The following WSB1 variants were observed in gnomAD, a reference collection of about 807,000 sequenced individuals.
The protein encoded by WSB1 is WD repeat and SOCS box containing 1.
In WSB1, 23 loss-of-function variants were observed where a neutral mutation model predicts 50.2. That is an observed-to-expected ratio of 0.46 (90% confidence interval 0.33 to 0.65). The LOEUF (loss-of-function observed/expected upper bound fraction) is 0.65. Ranked by LOEUF, WSB1 falls within the 30% of genes least tolerant of loss-of-function variation. The pLI, the probability that WSB1 is intolerant of heterozygous loss-of-function variation, is 0.02. For missense variants in WSB1, 492 were observed against 522.3 expected (o/e 0.94, Z 0.56); for synonymous variants, 179 against 172.0 (o/e 1.04, Z -0.32).
At position 27,301,810 on chromosome 17, in the gene WSB1, A is replaced by G. The variant is rs750385525; in HGVS notation, c.63A>G (p.Glu21=). 2.9e-5 allele frequency: 46 copies of G among 1,613,994 alleles called. No individual in the cohort carries two copies. Among genetic ancestry groups the G allele is most frequent in the Non-Finnish European group, 3.6e-5 (42 of 1,180,008 alleles). ...TAGTGAGATTACGTACTATAGGTGA[A>G]CTTTTAGCTCCTGCAGCTCCTTTTG... ...KEIVRLRTIG[E]LLAPAAPFDK... The change falls in exon 2 of 9, where the codon GAA becomes GAG. Residue 21 remains glutamate, a synonymous_variant. Coordinates refer to ENST00000262394, the MANE Select transcript of WSB1 (RefSeq NM_015626.10).
At chr17:27,296,186 A>G (rs546645237) in intron 1 of WSB1, among the ~76,000 whole-genome samples, 2 of 151,816 alleles carry the variant, frequency 1.3e-5, no homozygotes, top group South Asian at 4.2e-4. Flanking sequence ...ACCTACATAA[A>G]GTAGAACCAT....
intron 2 of WSB1, 40 bp from the exon 3 acceptor site, chr17:27,303,327 G>GAAT (rs778870634): frequency 1.9e-6 from 3 of 1,602,504 alleles, no homozygotes; most frequent in Non-Finnish European, 2.6e-6. Flanking sequence ...AGTCCAGAGT[G>GAAT]AATAATAATA....
rs565976577 is a variant in WSB1 at position 27,294,273 on chromosome 17, C to G, written c.-123C>G. On this transcript the variant is annotated 5_prime_UTR_variant, in exon 1 of 9. Coordinates refer to ENST00000262394, the MANE Select transcript of WSB1 (RefSeq NM_015626.10). ...GCAGAAGCCGCAGCGGCCGCCCCCGCCCGTCTCCTCTGTCCCTGGGCCCGG... is the reference window on the plus strand; with the variant it reads ...GCAGAAGCCGCAGCGGCCGCCCCCGGCCGTCTCCTCTGTCCCTGGGCCCGG... 245 of 1,360,350 alleles carry G rather than the reference C, an allele frequency of 1.8e-4. 1 individual carries two copies. In the African/African-American group the frequency reaches 3.4e-3, roughly 19 times the overall value. The allele number at this position is 1,360,350 out of a possible 1,614,324, so 84.3% of individuals were successfully genotyped here.
rs936557865 is a variant in WSB1, at chr17:27,314,204, A to G, written c.*1835A>G. The G allele has an allele frequency of 2.6e-5, 4 of 152,232 alleles. No homozygotes were observed. The highest frequency in any genetic ancestry group is 5.9e-5 in the Non-Finnish European group (4 of 68,038). 9.4% of individuals were successfully genotyped at this position (152,232 alleles called of 1,614,324 possible). On this transcript the variant is annotated 3_prime_UTR_variant, in exon 9 of 9. Coordinates refer to ENST00000262394, the MANE Select transcript of WSB1 (RefSeq NM_015626.10). The stretch of plus-strand genomic sequence containing the variant: ...TCTGTATTTTACAAAAAGAAGCACA[A>G]GAAGCATCTAATCTTTATACTTCTT...
Position 27,294,146 on chromosome 17 carries a change from A to C in WSB1, c.-250A>C. On this transcript the variant is annotated 5_prime_UTR_variant, in exon 1 of 9. Transcript: ENST00000262394. ...CGTTTGCAGTCGGCGCTTTAGGGGA[A>C]CTGTCTTCCTCCGCAGGCGCGAGGC... The C allele has an allele frequency of 3.0e-6, 1 of 338,296 alleles. No individual in the cohort carries two copies. Among genetic ancestry groups the C allele is most frequent in the Non-Finnish European group, 5.4e-6 (1 of 185,940 alleles). The allele number at this position is 338,296 out of a possible 1,614,324, so 21.0% of individuals were successfully genotyped here. A position where few individuals can be genotyped will look rare whatever the true frequency, so the allele number is the denominator to read the frequency against.
chr17:27,297,052 C>T (rs1373349785), intron 1 of WSB1: 2 of 152,004 alleles, frequency 1.3e-5, no homozygotes, highest in Non-Finnish European at 2.9e-5. Context: ...TTTATAATGG[C>T]TCTATTTCTT....
intron 1 of WSB1, among the ~76,000 whole-genome samples, chr17:27,299,613 GA>G (rs1430510138): frequency 6.6e-6 from 1 of 152,172 alleles, no homozygotes; most frequent in Non-Finnish European, 1.5e-5. Flanking sequence ...AACCACACCT[GA>G]AGTATTGTGG....
chr17:27,311,538 A>C lies in WSB1; in HGVS notation c.1028A>C (p.Asp343Ala). The C allele has an allele frequency of 6.3e-7, 1 of 1,599,654 alleles. No homozygotes were observed. Among genetic ancestry groups the C allele is most frequent in the Non-Finnish European group, 8.5e-7 (1 of 1,172,522 alleles). Residue 343 changes from aspartate to alanine, a missense_variant, in exon 8 of 9, where the codon GAT becomes GCT. By Grantham distance (126) the Asp-to-Ala change is moderately radical. Transcript: ENST00000262394. ...KMVRFWRIDE[D>A]YPVQVAPLSN... ...GTGAGGTTCTGGAGAATTGATGAGG[A>C]TTATCCAGTGCAAGTTGCACCTTTG...
intron 1 of WSB1, among the ~76,000 whole-genome samples, chr17:27,300,685 T>C (rs1454919650): frequency 6.7e-6 from 1 of 148,246 alleles, no homozygotes; most frequent in Admixed American, 6.6e-5. Context: ...TAATGCATTT[T>C]GGTTTTTTTT....
intron 1 of WSB1, among the ~76,000 whole-genome samples, chr17:27,295,674 C>T (rs2016929136): frequency 6.6e-6 from 1 of 152,074 alleles, no homozygotes; most frequent in South Asian, 2.1e-4. Context: ...AAGTATGTCG[C>T]GAAGTGGGAC....
chr17:27,300,564 A>T (rs2081314641), intron 1 of WSB1, among the ~76,000 whole-genome samples: 1 of 152,208 alleles, frequency 6.6e-6, no homozygotes, highest in South Asian at 2.1e-4. Context: ...AATTTAAAAT[A>T]TATGACATTG....
chr17:27,295,569 T>A (rs2016923152), intron 1 of WSB1, among the ~76,000 whole-genome samples: 4 of 151,630 alleles, frequency 2.6e-5, no homozygotes, highest in Non-Finnish European at 5.9e-5. Context: ...AGGGAAAAAA[T>A]TGTAGCAGAG....
At chr17:27,306,139 C>T (rs2017442023) in intron 4 of WSB1, among the ~76,000 whole-genome samples, 1 of 149,754 alleles carries the variant, frequency 6.7e-6, no homozygotes, top group South Asian at 2.1e-4. Context: ...GTTTCTTAAC[C>T]TTGCTGTTGT....
In WSB1 at chr17:27,303,569, C is replaced by A. The variant is rs1208982758; in HGVS notation, c.412C>A (p.Gln138Lys). The A allele has an allele frequency of 1.9e-6, 3 of 1,614,012 alleles. No individual in the cohort carries two copies. The highest frequency in any genetic ancestry group is 2.5e-6 in the Non-Finnish European group (3 of 1,180,020). The change falls in exon 3 of 9, where the codon CAA (glutamine) becomes AAA (lysine). Residue 138 changes from glutamine to lysine, a missense_variant. By Grantham distance (53) the Gln-to-Lys change is moderately conservative. Transcript: ENST00000262394. ...AGAATGGCATCGCTTCAGATTTGGA[C>A]AAGATCAGCTACTTCTTGCTACAGG... ...NIEWHRFRFG[Q>K]DQLLLATGLN... is the part of the protein sequence containing the mutation.
intron 3 of WSB1, among the ~76,000 whole-genome samples, chr17:27,304,538 A>G (rs2017366293): frequency 1.8e-5 from 1 of 56,560 alleles, no homozygotes; most frequent in African/African-American, 7.0e-5. Context: ...ATCTCTCCAA[A>G]AAAAAAAAAA....
intron 4 of WSB1, 57 bp from the exon 5 acceptor site, chr17:27,306,725 A>C: frequency 6.5e-7 from 1 of 1,546,382 alleles, no homozygotes; most frequent in African/African-American, 1.4e-5. Flanking sequence ...CTGTTTTGAA[A>C]TACTGCTCAT....
At position 27,309,261 on chromosome 17, in the gene WSB1, G is replaced by A. The variant is rs1433192668; in HGVS notation, c.873G>A (p.Leu291=). ...GGGATCCACATAATGGAGACATTCT[G>A]ATGGAATTTGGGTGGGTACAGCATG... ...YIWDPHNGDI[L]MEFGHLFPPP... Residue 291 remains leucine, a synonymous_variant, in exon 6 of 9, where the codon CTG becomes CTA. Coordinates refer to ENST00000262394, the MANE Select transcript of WSB1 (RefSeq NM_015626.10). 1.2e-6 allele frequency: 2 copies of A among 1,604,446 alleles called. No individual in the cohort carries two copies. The highest frequency in any genetic ancestry group is 2.7e-5 in the African/African-American group (2 of 74,864).
intron 4 of WSB1, 138 bp from the exon 5 acceptor site, chr17:27,306,644 T>C (rs2017472242): frequency 1.4e-6 from 1 of 727,834 alleles, no homozygotes; most frequent in African/African-American, 1.8e-5. Context: ...AAGCAGCTGG[T>C]GTATATCGGT....
intron 2 of WSB1, chr17:27,302,798 ATGTT>A (rs1337548315): frequency 6.6e-6 from 1 of 151,658 alleles, no homozygotes; most frequent in Non-Finnish European, 1.5e-5. Context: ...TTGAGTTTGG[ATGTT>A]TGTTGAAAGT....
Sources: allele counts gnomAD v4.1 joint callset (sites outside exome capture counted in the v4.1 genomes callset), GRCh38; gene constraint gnomAD v4.1.1; transcripts MANE v1.5; gene names NCBI Gene and HGNC (gene_info 2026-07-23, HGNC 2026-07-21).